SLC9B1: variants seen among roughly 807,000 people sequenced by gnomAD.
SLC9B1 encodes solute carrier family 9 member B1, also known as sodium/hydrogen exchanger 9B1.
In SLC9B1, 32 loss-of-function variants were observed where a neutral mutation model predicts 51.7. The ratio of observed to expected loss-of-function variants is 0.62; its 90% CI spans 0.47 to 0.83. The LOEUF (loss-of-function observed/expected upper bound fraction) is 0.83. Ranked by LOEUF, SLC9B1 falls within the 40% of genes least tolerant of loss-of-function variation. SLC9B1 has a pLI of 0.00. For missense variants in SLC9B1, 406 were observed against 613.2 expected (o/e 0.66, Z 3.57); for synonymous variants, 145 against 212.7 (o/e 0.68, Z 2.77).
intron 3 of SLC9B1, among the ~76,000 whole-genome samples, chr4:102,967,056 G>T (rs964507798): frequency 2.6e-5 from 4 of 152,162 alleles, no homozygotes; most frequent in African/African-American, 9.7e-5. Context: ...AGGATGACTT[G>T]GTCTCCAGTT....
chr4:102,975,584 A>ATTTTTTT (rs1466561136), intron 3 of SLC9B1, among the ~76,000 whole-genome samples: 1,329 of 79,640 alleles, frequency 0.017, 78 homozygotes, highest in African/African-American at 0.032. Context: ...ATATATATAT[A>ATTTTTTT]TATTTTTTTT....
chr4:102,896,207 C>T (rs1194413721), downstream of SLC9B1, among the ~76,000 whole-genome samples: 3 of 152,100 alleles, frequency 2.0e-5, no homozygotes. Flanking sequence ...TCCTTTCCTC[C>T]CTCAGGAGTT....
intron 6 of SLC9B1, among the ~76,000 whole-genome samples, chr4:102,943,371 T>G (rs1396279027): frequency 1.3e-5 from 2 of 152,130 alleles, no homozygotes; most frequent in Non-Finnish European, 2.9e-5. Context: ...AAAAAACACT[T>G]GCACACGCAT....
At chr4:102,981,719 T>C (rs1289818278) in intron 3 of SLC9B1, among the ~76,000 whole-genome samples, 1 of 152,190 alleles carries the variant, frequency 6.6e-6, no homozygotes, top group East Asian at 1.9e-4. Context: ...TTCTTTTTGG[T>C]GAAGTTTTAG....
At chr4:102,975,396 G>C (rs1239626504) in intron 3 of SLC9B1, among the ~76,000 whole-genome samples, 1 of 151,568 alleles carries the variant, frequency 6.6e-6, no homozygotes, top group Non-Finnish European at 1.5e-5. Flanking sequence ...AGGAACTCAA[G>C]TTTTTAAACT....
chr4:102,963,200 C>A (rs1311665933), intron 3 of SLC9B1: 2 of 348,468 alleles, frequency 5.7e-6, no homozygotes, highest in Non-Finnish European at 1.1e-5. Flanking sequence ...CACCACAATG[C>A]CTTATGGTTT....
chr4:102,961,977 T>G, intron 3 of SLC9B1: 1 of 251,918 alleles, frequency 4.0e-6, no homozygotes, highest in Non-Finnish European at 7.8e-6. Flanking sequence ...CCTGCCTTCC[T>G]GTGTGGCAGA....
chr4:102,905,713 A>G, intron 10 of SLC9B1, 63 bp from the exon 11 acceptor site: 1 of 1,501,394 alleles, frequency 6.7e-7, no homozygotes, highest in South Asian at 1.2e-5. Context: ...CTTCATGCCC[A>G]GGAATATGAT....
intron 1 of SLC9B1, among the ~76,000 whole-genome samples, chr4:102,997,433 G>A (rs1423131231): frequency 6.6e-6 from 1 of 151,816 alleles, no homozygotes; most frequent in Admixed American, 6.6e-5. Flanking sequence ...TTTTTTGGAT[G>A]GTTATAAAAA....
chr4:103,009,019 T>C (rs1020405027), intron 1 of SLC9B1, among the ~76,000 whole-genome samples: 17 of 152,064 alleles, frequency 1.1e-4, no homozygotes, highest in African/African-American at 1.9e-4. Context: ...AGGATGGTTT[T>C]GATCTCCTGA....
intron 3 of SLC9B1, among the ~76,000 whole-genome samples, chr4:102,951,338 C>A (rs1217946974): frequency 6.6e-6 from 1 of 151,996 alleles, no homozygotes; most frequent in Admixed American, 6.6e-5. Flanking sequence ...AAGGTAAAGC[C>A]AAGTGAATCT....
At chr4:102,946,467 A>AC (rs112225446) in intron 5 of SLC9B1, among the ~76,000 whole-genome samples, 180 bp downstream of exon 5, 82,993 of 151,990 alleles carry the variant, frequency 0.55, 23,238 homozygotes, top group African/African-American at 0.68. Context: ...AAATGCCACC[A>AC]GCCCGGCTAA....
At chr4:102,948,325 TACACAC>T (rs375091561) in intron 4 of SLC9B1, among the ~76,000 whole-genome samples, 49 of 127,550 alleles carry the variant, frequency 3.8e-4, no homozygotes, top group African/African-American at 1.1e-3. Context: ...GGCAAAGCCA[TACACAC>T]ACACACACAC....
At chr4:102,944,344 T>TGG (rs1737164621) in intron 6 of SLC9B1, among the ~76,000 whole-genome samples, 1 of 152,124 alleles carries the variant, frequency 6.6e-6, no homozygotes, top group Non-Finnish European at 1.5e-5. Flanking sequence ...AATTTATCCA[T>TGG]ATAACAAGCC....
intron 6 of SLC9B1, among the ~76,000 whole-genome samples, chr4:102,942,466 G>A (rs867509317): frequency 2.2e-4 from 33 of 152,260 alleles, no homozygotes; most frequent in South Asian, 4.1e-4. Flanking sequence ...CATAACACTG[G>A]TATAAAAATA....
chr4:102,948,439 A>G lies in SLC9B1; in HGVS notation c.382+818T>C, dbSNP rs187390219. On this transcript the variant is annotated intron_variant, in intron 4 of 11. Coordinates refer to ENST00000296422, the MANE Select transcript of SLC9B1 (RefSeq NM_139173.4). ...AGCAAAATGAATTCAATAGTACATC[A>G]AAAAGATAATATAGTTAAGTGGATT... Among the ~76,000 whole-genome samples the G allele has an allele frequency of 4.1e-3, 620 of 152,186 alleles. 2 individuals carry two copies. Among genetic ancestry groups the G allele is most frequent in the African/African-American group, 0.014 (580 of 41,520 alleles).
downstream of SLC9B1, among the ~76,000 whole-genome samples, chr4:102,896,027 C>T (rs1399630105): frequency 1.3e-5 from 2 of 152,164 alleles, no homozygotes; most frequent in African/African-American, 4.8e-5. Context: ...GCATTTAGAG[C>T]CTGCCTGATT....
intron 1 of SLC9B1, among the ~76,000 whole-genome samples, chr4:103,017,751 T>C (rs1290648071): frequency 6.6e-6 from 1 of 152,256 alleles, no homozygotes; most frequent in African/African-American, 2.4e-5. Context: ...TCCTTGCTCA[T>C]ATAGTTTACC....
intron 1 of SLC9B1, among the ~76,000 whole-genome samples, chr4:103,010,341 G>C (rs1171810287): frequency 6.6e-6 from 1 of 152,164 alleles, no homozygotes; most frequent in Non-Finnish European, 1.5e-5. Context: ...GGACGCAAAT[G>C]GGTGGCAGAA....
Sources: allele counts gnomAD v4.1 joint callset (sites outside exome capture counted in the v4.1 genomes callset), GRCh38; gene constraint gnomAD v4.1.1; transcripts MANE v1.5; gene names NCBI Gene and HGNC (gene_info 2026-07-23, HGNC 2026-07-21).